Variants in EFR3B observed in about 807,000 individuals in gnomAD.
EFR3B encodes the protein protein EFR3 homolog B.
EFR3B carries 64 observed loss-of-function variants against 104.7 expected under a neutral mutation model. That is an observed-to-expected ratio of 0.61 (90% CI 0.50 to 0.75). EFR3B has a LOEUF of 0.75. Among genes scored for constraint, EFR3B ranks in the 30% least tolerant of loss-of-function variants. The probability of loss-of-function intolerance (pLI) is 0.00; values close to 1 mark genes in which losing one functional copy is unlikely to be tolerated. For synonymous variants in EFR3B, 385 were observed against 417.9 expected, an observed-to-expected ratio of 0.92 and a Z score of 0.96; for missense variants, 750 against 1,078.5, an observed-to-expected ratio of 0.70 and a Z score of 4.27.
intron 4 of EFR3B, among the ~76,000 whole-genome samples, chr2:25,105,616 T>C (rs1669541068): frequency 6.6e-6 from 1 of 152,220 alleles, no homozygotes; most frequent in Non-Finnish European, 1.5e-5. Flanking sequence ...CTTTGACACA[T>C]TACACATATA....
At chr2:25,108,204 A>G (rs1387814466) in intron 4 of EFR3B, among the ~76,000 whole-genome samples, 1 of 152,160 alleles carries the variant, frequency 6.6e-6, no homozygotes, top group Non-Finnish European at 1.5e-5. Context: ...GGGACTGGAA[A>G]CACCAGGAGA....
Position 25,042,410 on chromosome 2 carries a change from G to A in EFR3B, c.7+91G>A, listed in dbSNP as rs1667597604. ...ACCATTGTCCCCCTGCACGGCCCTG[G>A]CGCGGGGCCAGGCCGCTGACCTGGT... On this transcript the variant is annotated intron_variant, in intron 1 of 22. Transcript: ENST00000403714. This position sits in a 1 kb window ranked among gnomAD's most constrained non-coding sequence, Gnocchi z 5.4. 8.2e-7 allele frequency: 1 copy of A among 1,222,556 alleles called. No homozygotes were observed. Among genetic ancestry groups the A allele is most frequent in the Non-Finnish European group, 1.0e-6 (1 of 981,308 alleles). 75.7% of individuals were successfully genotyped at this position (1,222,556 alleles called of 1,614,324 possible). A position where few individuals can be genotyped will look rare whatever the true frequency, so the allele number is the denominator to read the frequency against.
At chr2:25,125,053 G>A (rs989890028) in intron 5 of EFR3B, among the ~76,000 whole-genome samples, 7 of 152,140 alleles carry the variant, frequency 4.6e-5, no homozygotes, top group East Asian at 1.9e-4. Flanking sequence ...GTGAGACTCC[G>A]TGTCGAAAAA....
At chr2:25,143,271 A>T (rs940766135) in intron 17 of EFR3B, among the ~76,000 whole-genome samples, 5 of 152,210 alleles carry the variant, frequency 3.3e-5, no homozygotes, top group Admixed American at 2.6e-4. Context: ...AATATATTAT[A>T]AAATGAATAG....
chr2:25,072,398 A>C (rs973161273), intron 1 of EFR3B, among the ~76,000 whole-genome samples: 1 of 152,116 alleles, frequency 6.6e-6, no homozygotes, highest in South Asian at 2.1e-4. Context: ...CTCCAACCTC[A>C]GCCTCCTGAA....
At chr2:25,078,337 G>A (rs1313232534) in intron 1 of EFR3B, among the ~76,000 whole-genome samples, 1 of 152,182 alleles carries the variant, frequency 6.6e-6, no homozygotes, top group Non-Finnish European at 1.5e-5. Context: ...AGATTTTATT[G>A]TAAATTGTTT....
chr2:25,105,305 A>G (rs1391878812), intron 4 of EFR3B, among the ~76,000 whole-genome samples: 1 of 152,082 alleles, frequency 6.6e-6, no homozygotes, highest in East Asian at 1.9e-4. Flanking sequence ...GGCATACACC[A>G]CCACACCTGG....
chr2:25,112,219 A>G (rs1669741367), intron 4 of EFR3B, among the ~76,000 whole-genome samples: 1 of 152,272 alleles, frequency 6.6e-6, no homozygotes, highest in South Asian at 2.1e-4. Context: ...GAACGGCCCA[A>G]GGCATGGGGC....
At chr2:25,105,364 T>C (rs1420237666) in intron 4 of EFR3B, among the ~76,000 whole-genome samples, 5 of 152,206 alleles carry the variant, frequency 3.3e-5, no homozygotes, top group Admixed American at 1.3e-4. Flanking sequence ...TTGTCCAGGC[T>C]GGTCTTAAAC....
chr2:25,061,162 C>T (rs867674427), intron 1 of EFR3B, among the ~76,000 whole-genome samples: 2 of 149,236 alleles, frequency 1.3e-5, no homozygotes, highest in Non-Finnish European at 3.0e-5. Context: ...CTCACTTTGT[C>T]GCCCAGGCTG....
chr2:25,148,417 GCT>G (rs1670893567), intron 19 of EFR3B, among the ~76,000 whole-genome samples: 1 of 151,794 alleles, frequency 6.6e-6, no homozygotes, highest in Admixed American at 6.6e-5. Flanking sequence ...ACCATGCCTG[GCT>G]AGTTTTTGCA....
intron 5 of EFR3B, among the ~76,000 whole-genome samples, chr2:25,127,723 C>T (rs1670207115): frequency 6.6e-6 from 1 of 152,158 alleles, no homozygotes; most frequent in African/African-American, 2.4e-5. Context: ...AACCCTAGCT[C>T]CAAGCCGACA....
chr2:25,127,191 C>CAAAA (rs57818903), intron 5 of EFR3B, among the ~76,000 whole-genome samples: 15 of 51,718 alleles, frequency 2.9e-4, no homozygotes, highest in East Asian at 1.4e-3. Flanking sequence ...GACTCCACCT[C>CAAAA]AAAAAAAAAA....
intron 1 of EFR3B, among the ~76,000 whole-genome samples, chr2:25,053,043 A>G (rs1376726860): frequency 6.6e-6 from 1 of 152,184 alleles, no homozygotes; most frequent in African/African-American, 2.4e-5. Context: ...TCAGCCTCCT[A>G]TCACACTGTC....
intron 3 of EFR3B, among the ~76,000 whole-genome samples, chr2:25,095,776 T>G (rs567809074): frequency 2.6e-5 from 4 of 152,308 alleles, no homozygotes; most frequent in African/African-American, 9.6e-5. Flanking sequence ...TTTTTGGTTT[T>G]GTTTTGTTTC....
At position 25,118,726 on chromosome 2, in the gene EFR3B, C is replaced by CAAAAAAAAAAAA. The variant is rs869026900; in HGVS notation, c.364-2926_364-2915dup. Among the ~76,000 whole-genome samples, 13 of 33,540 alleles carry CAAAAAAAAAAAA rather than the reference C, an allele frequency of 3.9e-4. 2 individuals carry two copies. The highest frequency in any genetic ancestry group is 5.4e-4 in the Non-Finnish European group (11 of 20,514). The allele number at this position is 33,540 out of a possible 152,430, so 22.0% of individuals were successfully genotyped here. A position where few individuals can be genotyped will look rare whatever the true frequency, so the allele number is the denominator to read the frequency against. ...ACAACACAATGAGACCCTGTCTCTA[C>CAAAAAAAAAAAA]AAAAAAAAAAAAAAAAAAAAAAAAA... is the stretch of plus-strand genomic sequence containing the variant. On this transcript the variant is annotated intron_variant, in intron 4 of 22. Coordinates refer to ENST00000403714, the MANE Select transcript of EFR3B (RefSeq NM_014971.2).
At chr2:25,135,356 C>G in intron 12 of EFR3B, 111 bp from the exon 13 acceptor site, 1 of 1,294,096 alleles carries the variant, frequency 7.7e-7, no homozygotes, top group East Asian at 2.5e-5. Context: ...TGGGCGATGT[C>G]TAGAGAGGAT....
chr2:25,095,020 G>C (rs1388914043), intron 3 of EFR3B, among the ~76,000 whole-genome samples: 1 of 152,010 alleles, frequency 6.6e-6, no homozygotes, highest in African/African-American at 2.4e-5. Context: ...GGAACTCCCA[G>C]GCTCAAGCAA....
rs189720310 is a variant in EFR3B, at chr2:25,078,408, G to T, written c.8-12917G>T. Reference sequence around the variant, plus strand: ...AGTCCAGCCCTTGTCTTTACAAGAAGATTGCAAAGCTGAGAAAATAAATAC... The same window carrying T: ...AGTCCAGCCCTTGTCTTTACAAGAATATTGCAAAGCTGAGAAAATAAATAC... On this transcript the variant is annotated intron_variant, in intron 1 of 22. Coordinates refer to ENST00000403714, the MANE Select transcript of EFR3B (RefSeq NM_014971.2). Among the ~76,000 whole-genome samples the T allele has an allele frequency of 1.5e-3, 228 of 152,334 alleles. 2 individuals are homozygous for T. The highest frequency in any genetic ancestry group is 5.1e-3 in the African/African-American group (210 of 41,580).
Sources: gnomAD v4.1 joint callset for allele counts (sites outside exome capture counted in the v4.1 genomes callset) on GRCh38, gnomAD v4.1.1 for gene constraint, Gnocchi (gnomAD v3.1) non-coding constraint, MANE v1.5 for transcripts, NCBI Gene and HGNC (gene_info 2026-07-23, HGNC 2026-07-21) for gene names.